The following PISD variants were observed in gnomAD, a reference collection of about 807,000 sequenced individuals.
PISD encodes the protein phosphatidylserine decarboxylase proenzyme, mitochondrial.
PISD carries 31 observed loss-of-function variants against 43.5 expected under a neutral mutation model. The observed-to-expected ratio is 0.71, with a 90% CI of 0.54 to 0.96. The LOEUF (loss-of-function observed/expected upper bound fraction) is 0.96, where lower values mean the gene tolerates loss of function less well. Ranked by LOEUF, PISD falls within the 40% of genes least tolerant of loss-of-function variation. The probability of loss-of-function intolerance (pLI) is 0.00; values close to 1 mark genes in which losing one functional copy is unlikely to be tolerated. For synonymous variants in PISD, 259 were observed against 228.7 expected (o/e 1.13, Z -1.20); for missense variants, 523 against 548.4 (o/e 0.95, Z 0.46).
At chr22:31,638,632 G>A (rs2073589965) in intron 3 of PISD, 2 of 985,110 alleles carry the variant, frequency 2.0e-6, no homozygotes, top group Non-Finnish European at 1.2e-6. Context: ...ACAAAAACCA[G>A]TTCTGTCTCT....
rs1222177451 is a variant in PISD at position 31,619,106 on chromosome 22, G to A, written c.*506C>T. 1.6e-5 allele frequency: 4 copies of A among 245,484 alleles called. No homozygotes were observed. Among genetic ancestry groups the A allele is most frequent in the Admixed American group, 5.2e-5 (1 of 19,352 alleles). 15.2% of individuals were successfully genotyped at this position (245,484 alleles called of 1,614,324 possible). Reference sequence around the variant, plus strand: ...AGCAGGATGAGGTGAATGTGGGAACGGAAAGCAGTTGTCACGAAGGCTGTG... The same window carrying A: ...AGCAGGATGAGGTGAATGTGGGAACAGAAAGCAGTTGTCACGAAGGCTGTG... On this transcript the variant is annotated 3_prime_UTR_variant, in exon 8 of 8. Transcript: ENST00000439502.
chr22:31,648,444 G>A (rs540957371), intron 2 of PISD, among the ~76,000 whole-genome samples, 168 bp from the exon 3 acceptor site: 8 of 152,156 alleles, frequency 5.3e-5, no homozygotes, highest in African/African-American at 1.4e-4. Context: ...TTGGGAGGCC[G>A]AGGCAGGCGG....
At chr22:31,620,909 G>A (rs2072521006) in intron 6 of PISD, 87 bp downstream of exon 6, 29 of 1,471,746 alleles carry the variant, frequency 2.0e-5, no homozygotes, top group Non-Finnish European at 2.5e-5. Context: ...ACCCTGATCT[G>A]GAGCCTGGTC....
intron 3 of PISD, among the ~76,000 whole-genome samples, chr22:31,643,300 A>G (rs1018037058): frequency 1.3e-5 from 2 of 152,216 alleles, no homozygotes; most frequent in Non-Finnish European, 2.9e-5. Context: ...TTCTACAAGC[A>G]TGCCAAGACC....
chr22:31,641,384 C>T (rs1191801575), intron 3 of PISD, among the ~76,000 whole-genome samples: 3 of 152,070 alleles, frequency 2.0e-5, no homozygotes, highest in Non-Finnish European at 2.9e-5. Flanking sequence ...ACAGCTGATA[C>T]GGTAACTGAG....
At chr22:31,649,567 A>C (rs968340199) in intron 2 of PISD, among the ~76,000 whole-genome samples, 10 of 152,042 alleles carry the variant, frequency 6.6e-5, no homozygotes, top group African/African-American at 2.4e-4. Flanking sequence ...CCCCGTCTCT[A>C]CTAAAAATAC....
chr22:31,643,369 C>T (rs184736045), intron 3 of PISD, among the ~76,000 whole-genome samples: 47 of 152,322 alleles, frequency 3.1e-4, no homozygotes. Context: ...TGGATACCCA[C>T]ATGCAAAATA....
At chr22:31,640,575 G>GTTTTTTTT (rs759964791) in intron 3 of PISD, among the ~76,000 whole-genome samples, 10 of 91,264 alleles carry the variant, frequency 1.1e-4, no homozygotes, top group South Asian at 4.0e-4. Context: ...CGGTTTGGTT[G>GTTTTTTTT]TTTTTTTTTT....
In PISD at chr22:31,619,154, T is replaced by TC. The variant is rs1468471078; in HGVS notation, c.*457dup. ...GTGTGGCTCTGCTGGGGGAGAGGCA[T>TC]CCACAGTCTGTGCCAAGGAGGCACC... is the stretch of plus-strand genomic sequence containing the variant. On this transcript the variant is annotated 3_prime_UTR_variant, in exon 8 of 8. Transcript: ENST00000439502. 1.1e-5 allele frequency: 3 copies of TC among 264,598 alleles called. No individual in the cohort carries two copies. The allele number at this position is 264,598 out of a possible 1,614,324, so 16.4% of individuals were successfully genotyped here. A position where few individuals can be genotyped will look rare whatever the true frequency, so the allele number is the denominator to read the frequency against.
chr22:31,644,242 CTT>C (rs571185716), intron 3 of PISD, among the ~76,000 whole-genome samples: 16 of 139,106 alleles, frequency 1.2e-4, no homozygotes, highest in Non-Finnish European at 1.6e-4. Flanking sequence ...ATAATTTTTT[CTT>C]TTTTTTTTTT....
intron 3 of PISD, chr22:31,628,838 C>T (rs1357929628): frequency 2.0e-6 from 2 of 985,450 alleles, no homozygotes; most frequent in Non-Finnish European, 2.4e-6. Flanking sequence ...TCAGACCTGG[C>T]TTCCAACACC....
chr22:31,638,314 G>T, intron 3 of PISD: 15 of 952,532 alleles, frequency 1.6e-5, no homozygotes, highest in Non-Finnish European at 1.9e-5. Context: ...CCCTTCTGGA[G>T]AGTCTGGACG....
At chr22:31,661,261 C>T (rs145122088) in intron 1 of PISD, among the ~76,000 whole-genome samples, 4 of 152,276 alleles carry the variant, frequency 2.6e-5, no homozygotes, top group Admixed American at 6.5e-5. Flanking sequence ...TGTCCGTCTC[C>T]TCCCAAAACA....
At chr22:31,642,213 C>T (rs2073754621) in intron 3 of PISD, among the ~76,000 whole-genome samples, 1 of 151,080 alleles carries the variant, frequency 6.6e-6, no homozygotes, top group Non-Finnish European at 1.5e-5. Context: ...GGAATCCCAG[C>T]ACTTTGGGAG....
intron 3 of PISD, chr22:31,629,006 T>C: frequency 2.0e-6 from 2 of 985,304 alleles, no homozygotes; most frequent in African/African-American, 1.7e-5. Context: ...CAATGGCTGA[T>C]AGGACCGTAT....
chr22:31,636,665 A>G (rs1023546069), intron 3 of PISD, among the ~76,000 whole-genome samples: 77 of 152,086 alleles, frequency 5.1e-4, no homozygotes, highest in Non-Finnish European at 9.4e-4. Context: ...TCAGCCTCCC[A>G]AGTAGCTGGG....
intron 3 of PISD, chr22:31,625,480 G>A (rs2072852919): frequency 1.1e-5 from 6 of 559,256 alleles, no homozygotes; most frequent in South Asian, 4.2e-5. Context: ...CGAGCAGGGG[G>A]CCTGGGAGCA....
intron 1 of PISD, among the ~76,000 whole-genome samples, chr22:31,655,184 G>C (rs1229690322): frequency 2.0e-5 from 3 of 151,824 alleles, no homozygotes; most frequent in Non-Finnish European, 2.9e-5. Flanking sequence ...CTTTACAAGA[G>C]TGAGAAACTT....
Position 31,625,191 on chromosome 22 carries a change from G to A in PISD, c.322-3306C>T, listed in dbSNP as rs561729705. ...AGCAGACGGCAGGCGAACCAGTGGC[G>A]AACCCCGCTCAGGCTCAGGCTCAGA... On this transcript the variant is annotated intron_variant, in intron 3 of 7. Transcript: ENST00000439502. Among the ~76,000 whole-genome samples, 9 of 152,304 alleles carry A rather than the reference G, an allele frequency of 5.9e-5. No homozygotes were observed. The East Asian group carries it at 9.6e-4, about 16-fold the overall frequency.
Sources: gnomAD v4.1 joint callset for allele counts (sites outside exome capture counted in the v4.1 genomes callset) on GRCh38, gnomAD v4.1.1 for gene constraint, MANE v1.5 for transcripts, NCBI Gene and HGNC (gene_info 2026-07-23, HGNC 2026-07-21) for gene names.